GDAP2: variants seen among roughly 807,000 people sequenced by gnomAD.
GDAP2 encodes the protein ganglioside induced differentiation associated protein 2, also known as ganglioside-induced differentiation-associated protein 2.
A neutral mutation model predicts 67.0 loss-of-function variants in GDAP2; 51 were observed. The observed-to-expected ratio is 0.76, with a 90% CI of 0.61 to 0.96. GDAP2 has a LOEUF of 0.96. GDAP2 is among the 40% of genes least tolerant of loss of function. The pLI is 0.00. For synonymous variants in GDAP2, 203 were observed against 207.3 expected (o/e 0.98, Z 0.18); for missense variants, 547 against 588.3 (o/e 0.93, Z 0.73).
intron 6 of GDAP2, 88 bp downstream of exon 6, chr1:117,906,418 G>A: frequency 1.4e-6 from 1 of 706,244 alleles, no homozygotes; most frequent in South Asian, 1.8e-5. Flanking sequence ...TTGTCTGCTG[G>A]AAACTCAGTA....
At chr1:117,894,230 C>G (rs1165560994) in intron 8 of GDAP2, among the ~76,000 whole-genome samples, 2 of 151,982 alleles carry the variant, frequency 1.3e-5, no homozygotes, top group Non-Finnish European at 2.9e-5. Flanking sequence ...ATCTCCACCA[C>G]CTCCTGGGCT....
intron 6 of GDAP2, among the ~76,000 whole-genome samples, chr1:117,903,446 T>C (rs1014599102): frequency 6.6e-6 from 1 of 152,186 alleles, no homozygotes; most frequent in Non-Finnish European, 1.5e-5. Flanking sequence ...AGCAGTTCTC[T>C]CTTATTCCTA....
At chr1:117,887,219 G>A (rs896130621) in intron 9 of GDAP2, among the ~76,000 whole-genome samples, 3 of 152,032 alleles carry the variant, frequency 2.0e-5, no homozygotes. Flanking sequence ...TATGAGCCAC[G>A]ATGCCCAGCC....
chr1:117,920,046 G>A (rs529063644), intron 2 of GDAP2, 136 bp downstream of exon 2: 1 of 514,004 alleles, frequency 1.9e-6, no homozygotes, highest in Non-Finnish European at 3.5e-6. Flanking sequence ...CTTATTAAAT[G>A]TCAATTATAC....
At chr1:117,887,665 T>C in intron 9 of GDAP2, 33 bp downstream of exon 9, 1 of 1,034,768 alleles carries the variant, frequency 9.7e-7, no homozygotes. Flanking sequence ...TCTTAATTAG[T>C]GAAAGAATAA....
chr1:117,887,981 A>G (rs1046625108), intron 8 of GDAP2, among the ~76,000 whole-genome samples: 3 of 152,188 alleles, frequency 2.0e-5, no homozygotes, highest in African/African-American at 4.8e-5. Context: ...TTATTGAGAA[A>G]GGAAGGTGTT....
At position 117,906,579 on chromosome 1, in the gene GDAP2, G is replaced by T; in HGVS notation, c.563C>A (p.Thr188Asn). Reference protein sequence around the residue: ...LEDATHIALRTVRRFLEIHGE... With the variant: ...LEDATHIALRNVRRFLEIHGE... ...ATGAATCTCTAGGAATCTTCTTACAGTGCCTAAGGAAAAGAATAGAAAGAT... is the reference window on the plus strand; with the variant it reads ...ATGAATCTCTAGGAATCTTCTTACATTGCCTAAGGAAAAGAATAGAAAGAT... Residue 188 changes from threonine (T) to asparagine (N), a missense_variant, in exon 6 of 14, where the codon ACT becomes AAT. Transcript: ENST00000369443. The T allele has an allele frequency of 6.7e-7, 1 of 1,495,900 alleles. No individual in the cohort carries two copies. The highest frequency in any genetic ancestry group is 9.2e-7 in the Non-Finnish European group (1 of 1,081,304). The allele number at this position is 1,495,900 out of a possible 1,614,324, so 92.7% of individuals were successfully genotyped here. A position where few individuals can be genotyped will look rare whatever the true frequency, so the allele number is the denominator to read the frequency against.
At chr1:117,924,704 T>A (rs1650382657) in intron 1 of GDAP2, among the ~76,000 whole-genome samples, 1 of 152,226 alleles carries the variant, frequency 6.6e-6, no homozygotes, top group Non-Finnish European at 1.5e-5. Context: ...GATAAATTTG[T>A]ATGAGAAGAC....
Position 117,878,142 on chromosome 1 carries a change from C to T in GDAP2, c.1313G>A (p.Trp438Ter). 15 of 1,567,570 alleles carry T rather than the reference C, an allele frequency of 9.6e-6. No individual in the cohort carries two copies. Among genetic ancestry groups the T allele is most frequent in the Non-Finnish European group, 1.3e-5 (15 of 1,145,434 alleles). ...HPTFRSKVSTWFFTTFSVSGL... is the reference protein window; with the variant it reads ...HPTFRSKVST ...TGAGACAGAAAAGGTGGTAAAAAAC[C>T]ATGTTGACACCTGATTAATAGAAGA... The change falls in exon 13 of 14, where the codon TGG becomes TAG. Residue 438 changes from tryptophan to a stop codon, truncating the protein, a stop_gained. Coordinates refer to ENST00000369443, the MANE Select transcript of GDAP2 (RefSeq NM_017686.4). LOFTEE classifies it high-confidence loss of function.
intron 12 of GDAP2, among the ~76,000 whole-genome samples, chr1:117,880,873 G>C (rs1239518726): frequency 1.3e-5 from 2 of 152,172 alleles, no homozygotes; most frequent in Non-Finnish European, 2.9e-5. Flanking sequence ...TTAAGCTAAT[G>C]TCATTACTAT....
At chr1:117,928,753 G>A (rs931148276) in intron 1 of GDAP2, among the ~76,000 whole-genome samples, 1 of 152,162 alleles carries the variant, frequency 6.6e-6, no homozygotes, top group African/African-American at 2.4e-5. Context: ...AAGAAGCGCC[G>A]GCAGGATCTT....
intron 12 of GDAP2, among the ~76,000 whole-genome samples, chr1:117,878,557 G>A (rs1648546288): frequency 6.6e-6 from 1 of 152,142 alleles, no homozygotes; most frequent in Non-Finnish European, 1.5e-5. Flanking sequence ...ATCTCACACT[G>A]TGAATTTTTC....
intron 8 of GDAP2, among the ~76,000 whole-genome samples, chr1:117,893,756 CT>C (rs1254804292): frequency 6.6e-6 from 1 of 152,136 alleles, no homozygotes; most frequent in Non-Finnish European, 1.5e-5. Context: ...AATTCTAAAA[CT>C]TTTTGGTCTC....
At chr1:117,922,248 A>C (rs995270226) in intron 1 of GDAP2, among the ~76,000 whole-genome samples, 3 of 152,220 alleles carry the variant, frequency 2.0e-5, no homozygotes, top group African/African-American at 7.2e-5. Context: ...GTAAATGCAA[A>C]TAGAGAAAAC....
At chr1:117,907,933 A>C (rs572716125) in intron 5 of GDAP2, among the ~76,000 whole-genome samples, 1 of 152,244 alleles carries the variant, frequency 6.6e-6, no homozygotes, top group East Asian at 1.9e-4. Flanking sequence ...CCAACTGTCC[A>C]CTTTCCCCCA....
At chr1:117,877,473 G>T (rs980688221) in intron 13 of GDAP2, 1 of 972,394 alleles carries the variant, frequency 1.0e-6, no homozygotes, top group Non-Finnish European at 1.2e-6. Context: ...TTCACGAGTA[G>T]TCCTGTGACT....
intron 12 of GDAP2, among the ~76,000 whole-genome samples, chr1:117,880,552 C>T (rs1648616924): frequency 6.6e-6 from 1 of 152,084 alleles, no homozygotes; most frequent in African/African-American, 2.4e-5. Flanking sequence ...TAGATCTTAG[C>T]ATTTTTAAAA....
intron 3 of GDAP2, among the ~76,000 whole-genome samples, chr1:117,918,111 C>T (rs1384223981): frequency 6.6e-6 from 1 of 152,166 alleles, no homozygotes; most frequent in African/African-American, 2.4e-5. Context: ...TATAGGTTAA[C>T]TTTGCTGTTT....
At chr1:117,895,306 AG>A (rs1649227422) in intron 8 of GDAP2, among the ~76,000 whole-genome samples, 1 of 152,200 alleles carries the variant, frequency 6.6e-6, no homozygotes, top group Non-Finnish European at 1.5e-5. Context: ...CATATACATT[AG>A]TCAAAACAAC....
Sources: allele counts gnomAD v4.1 joint callset (sites outside exome capture counted in the v4.1 genomes callset), GRCh38; gene constraint gnomAD v4.1.1; transcripts MANE v1.5; gene names NCBI Gene and HGNC (gene_info 2026-07-23, HGNC 2026-07-21).